TPTE2: variants seen among roughly 807,000 people sequenced by gnomAD.
TPTE2 encodes transmembrane phosphoinositide 3-phosphatase and tensin homolog 2.
Under a neutral mutation model 78.6 loss-of-function variants are expected in TPTE2, and 53 were observed. That is an observed-to-expected ratio of 0.67 (90% CI 0.54 to 0.85). TPTE2 has a LOEUF of 0.85. Ranked by LOEUF, TPTE2 falls within the 40% of genes least tolerant of loss-of-function variation. TPTE2 has a pLI of 0.00. For missense variants in TPTE2, 461 were observed against 623.0 expected (o/e 0.74, Z 2.77); for synonymous variants, 175 against 206.2 (o/e 0.85, Z 1.30).
chr13:19,430,270 A>T (rs1021069547), intron 17 of TPTE2, among the ~76,000 whole-genome samples, 198 bp downstream of exon 20: 1 of 152,238 alleles, frequency 6.6e-6, no homozygotes, highest in Non-Finnish European at 1.5e-5. Flanking sequence ...AAGCACCCTG[A>T]AAAAACTGTT....
chr13:19,561,328 G>A, the TPTE2 span: 471 of 677,012 alleles, frequency 7.0e-4, 6 homozygotes, highest in East Asian at 0.012. Context: ...GGCGGGGGCC[G>A]CTCCACCTCC....
chr13:19,429,294 A>G (rs1338672967), intron 17 of TPTE2, among the ~76,000 whole-genome samples: 2 of 152,266 alleles, frequency 1.3e-5, no homozygotes, highest in African/African-American at 4.8e-5. Flanking sequence ...AATTAGTGGC[A>G]GTGAGAACAG....
chr13:19,546,483 C>T, the TPTE2 span, among the ~76,000 whole-genome samples: 113 of 84,962 alleles, frequency 1.3e-3, no homozygotes, highest in Admixed American at 1.7e-3. Flanking sequence ...TTTTCTTTTT[C>T]TTTTTTTTTT....
chr13:19,423,117 G>A (rs775137550), exon 20 of TPTE2: 2 of 1,611,242 alleles, frequency 1.2e-6, no homozygotes, highest in African/African-American at 1.3e-5. Flanking sequence ...AATTTTCCAT[G>A]CTTTTTGTTT....
At chr13:19,521,952 ATTCT>A (rs1870175944) in intron 1 of TPTE2, among the ~76,000 whole-genome samples, 1 of 152,158 alleles carries the variant, frequency 6.6e-6, no homozygotes, top group East Asian at 1.9e-4. Context: ...ACTACCTAGT[ATTCT>A]TTCCTTTCAG....
At chr13:19,492,334 C>T (rs567468063) in intron 3 of TPTE2, among the ~76,000 whole-genome samples, 14 of 152,264 alleles carry the variant, frequency 9.2e-5, no homozygotes, top group African/African-American at 3.4e-4. Context: ...GACAAGTCCA[C>T]GTTCCATTAG....
chr13:19,431,278 G>C (rs1299692318), intron 16 of TPTE2, among the ~76,000 whole-genome samples: 1 of 151,882 alleles, frequency 6.6e-6, no homozygotes, highest in Non-Finnish European at 1.5e-5. Flanking sequence ...CTACTTTAAG[G>C]CCAGTTCCTG....
chr13:19,504,208 G>A (rs1161092843), upstream of TPTE2, among the ~76,000 whole-genome samples: 1 of 152,128 alleles, frequency 6.6e-6, no homozygotes, highest in African/African-American at 2.4e-5. Flanking sequence ...CACAAGCGAT[G>A]TTTAGTTCTT....
intron 13 of TPTE2, among the ~76,000 whole-genome samples, chr13:19,438,918 T>G (rs1294416328): frequency 6.6e-6 from 1 of 152,108 alleles, no homozygotes; most frequent in Non-Finnish European, 1.5e-5. Flanking sequence ...CATCCCTCTG[T>G]CTCACCTTTC....
upstream of TPTE2, among the ~76,000 whole-genome samples, chr13:19,538,605 T>C (rs1187571976): frequency 6.6e-6 from 1 of 151,962 alleles, no homozygotes; most frequent in African/African-American, 2.4e-5. Context: ...CTTGGCTCAC[T>C]GCAACCTCCA....
At chr13:19,515,273 A>C (rs1225198008) in intron 1 of TPTE2, among the ~76,000 whole-genome samples, 1 of 152,220 alleles carries the variant, frequency 6.6e-6, no homozygotes, top group Admixed American at 6.5e-5. Flanking sequence ...GGATTCTCTA[A>C]GAGTGTGCTG....
upstream of TPTE2, among the ~76,000 whole-genome samples, chr13:19,505,584 G>A (rs527469557): frequency 2.2e-4 from 33 of 152,192 alleles, 1 homozygote; most frequent in South Asian, 6.9e-3. Flanking sequence ...ATATGACCAT[G>A]TAGCTGTAGC....
At chr13:19,462,181 G>T (rs1405199425) in intron 10 of TPTE2, among the ~76,000 whole-genome samples, 3 of 151,566 alleles carry the variant, frequency 2.0e-5, no homozygotes, top group Non-Finnish European at 4.4e-5. Flanking sequence ...GTGTATATCT[G>T]TACTACCAGT....
chr13:19,498,549 A>G lies in TPTE2; in HGVS notation c.11+4675T>C, dbSNP rs1421203603. ...CAGAATTTCATATCCAGCCAAACTA[A>G]GCTTCATAAGCGAAGGAGAAATAAA... On this transcript the variant is annotated intron_variant, in intron 1 of 19. Transcript: ENST00000400230. Among the ~76,000 whole-genome samples the G allele has an allele frequency of 2.0e-5, 3 of 152,070 alleles. No homozygotes were observed. The East Asian group carries it at 5.8e-4, about 29-fold the overall frequency.
At chr13:19,460,473 G>A (rs184397945) in intron 10 of TPTE2, among the ~76,000 whole-genome samples, 4 of 152,302 alleles carry the variant, frequency 2.6e-5, no homozygotes, top group East Asian at 1.9e-4. Flanking sequence ...CTTTGTGAGC[G>A]CGGCAGACTG....
chr13:19,439,442 T>C (rs1231973572), intron 13 of TPTE2, among the ~76,000 whole-genome samples: 1 of 151,806 alleles, frequency 6.6e-6, no homozygotes, highest in Non-Finnish European at 1.5e-5. Flanking sequence ...AATAATATTA[T>C]AGGAAAGGAA....
chr13:19,530,166 G>A (rs1407306209), intron 1 of TPTE2, among the ~76,000 whole-genome samples: 1 of 152,062 alleles, frequency 6.6e-6, no homozygotes, highest in Non-Finnish European at 1.5e-5. Context: ...GCTGATCTAG[G>A]GTTTAAGTGC....
chr13:19,482,699 A>G (rs914480755), intron 3 of TPTE2, among the ~76,000 whole-genome samples, 152 bp from the exon 7 acceptor site: 3 of 152,066 alleles, frequency 2.0e-5, no homozygotes, highest in Non-Finnish European at 4.4e-5. Context: ...ATATTTAAGA[A>G]AGAAAATTAC....
intron 10 of TPTE2, among the ~76,000 whole-genome samples, chr13:19,452,776 C>T (rs959331150): frequency 6.6e-6 from 1 of 151,878 alleles, no homozygotes; most frequent in Admixed American, 6.6e-5. Context: ...AATATTCATA[C>T]TCTTAGCTAG....
Sources: allele counts gnomAD v4.1 joint callset (sites outside exome capture counted in the v4.1 genomes callset), GRCh38; gene constraint gnomAD v4.1.1; transcripts MANE v1.5; gene names NCBI Gene and HGNC (gene_info 2026-07-23, HGNC 2026-07-21).